CHST9: variants seen among roughly 807,000 people sequenced by gnomAD.
CHST9 encodes carbohydrate sulfotransferase 9, also known as GalNAc-4-sulfotransferase 2.
CHST9 carries 41 observed loss-of-function variants against 44.4 expected under a neutral mutation model. The observed-to-expected ratio is 0.92, with a 90% CI of 0.72 to 1.20. The LOEUF (loss-of-function observed/expected upper bound fraction) is 1.20. Ranked by LOEUF, CHST9 falls within the 50% of genes most tolerant of loss-of-function variation. The probability of loss-of-function intolerance (pLI) is 0.00; values close to 1 mark genes in which losing one functional copy is unlikely to be tolerated. For synonymous variants in CHST9, 171 were observed against 178.4 expected, an observed-to-expected ratio of 0.96 and a Z score of 0.33; for missense variants, 504 against 516.5, an observed-to-expected ratio of 0.98 and a Z score of 0.23.
At chr18:27,147,104 G>A (rs1404672922) in intron 1 of CHST9, among the ~76,000 whole-genome samples, 2 of 151,742 alleles carry the variant, frequency 1.3e-5, no homozygotes, top group Non-Finnish European at 2.9e-5. Context: ...CACTCTTGTT[G>A]CCCAGGCTGG....
chr18:27,137,901 G>A (rs1016173216), intron 2 of CHST9, among the ~76,000 whole-genome samples: 4 of 152,098 alleles, frequency 2.6e-5, no homozygotes, highest in Admixed American at 2.6e-4. Flanking sequence ...TAAACAACAA[G>A]CCATTCTTGT....
At chr18:27,123,012 T>C (rs1012459259) in intron 2 of CHST9, among the ~76,000 whole-genome samples, 1 of 152,202 alleles carries the variant, frequency 6.6e-6, no homozygotes, top group African/African-American at 2.4e-5. Context: ...AGCTACTAAA[T>C]GGGTGTTCTT....
At chr18:26,957,425 G>C (rs77147161) in intron 4 of CHST9, among the ~76,000 whole-genome samples, 2 of 152,102 alleles carry the variant, frequency 1.3e-5, no homozygotes, top group South Asian at 4.2e-4. Flanking sequence ...ATCTCAGTAC[G>C]TTTGTCCCAA....
intron 2 of CHST9, among the ~76,000 whole-genome samples, chr18:27,060,829 G>C (rs1182776577): frequency 6.6e-6 from 1 of 152,170 alleles, no homozygotes; most frequent in Non-Finnish European, 1.5e-5. Flanking sequence ...GTCTCACTAT[G>C]TTGAGCAGGC....
At chr18:27,168,075 C>CT (rs778629303) in intron 1 of CHST9, among the ~76,000 whole-genome samples, 7 of 79,968 alleles carry the variant, frequency 8.8e-5, no homozygotes, top group East Asian at 5.7e-4. Flanking sequence ...AAGATTATAC[C>CT]TATTTTTTTT....
intron 4 of CHST9, among the ~76,000 whole-genome samples, chr18:26,960,406 T>C (rs1254957878): frequency 1.3e-5 from 2 of 152,214 alleles, no homozygotes; most frequent in African/African-American, 4.8e-5. Context: ...CAAGGATTTA[T>C]TCTCAGGAAC....
At chr18:27,109,670 T>C (rs1355163764) in intron 2 of CHST9, among the ~76,000 whole-genome samples, 2 of 152,238 alleles carry the variant, frequency 1.3e-5, no homozygotes, top group Non-Finnish European at 2.9e-5. Context: ...TGACGCCAGC[T>C]GCTTGACTCC....
intron 4 of CHST9, among the ~76,000 whole-genome samples, chr18:26,994,609 G>A (rs1339799593): frequency 6.6e-6 from 1 of 151,986 alleles, no homozygotes; most frequent in African/African-American, 2.4e-5. Flanking sequence ...GCTGGGGGGT[G>A]GACAGGGTTT....
chr18:26,984,822 T>A (rs1011181061), intron 4 of CHST9, among the ~76,000 whole-genome samples: 3 of 151,592 alleles, frequency 2.0e-5, no homozygotes, highest in African/African-American at 7.3e-5. Flanking sequence ...CTCATCAGTA[T>A]AGCTAAGATG....
intron 4 of CHST9, among the ~76,000 whole-genome samples, chr18:26,999,836 A>G (rs2056928343): frequency 6.6e-6 from 1 of 152,218 alleles, no homozygotes; most frequent in Non-Finnish European, 1.5e-5. Context: ...AAGTCTATGG[A>G]TAAAATAAAA....
intron 4 of CHST9, among the ~76,000 whole-genome samples, chr18:27,010,972 C>CT (rs2057076811): frequency 6.6e-6 from 1 of 152,146 alleles, no homozygotes; most frequent in Non-Finnish European, 1.5e-5. Context: ...AGTGACAGGT[C>CT]TGCTGAGGCC....
At chr18:27,158,140 C>T (rs1232519604) in intron 1 of CHST9, among the ~76,000 whole-genome samples, 15 of 152,026 alleles carry the variant, frequency 9.9e-5, no homozygotes, top group Non-Finnish European at 1.2e-4. Context: ...TTTTAGGGTA[C>T]ATATGCACAA....
rs77443886 is a variant in CHST9 at position 27,008,111 on chromosome 18, G to C, written c.202+16005C>G. 3.3e-5 allele frequency among the ~76,000 whole-genome samples: 5 copies of C among 152,144 alleles called. No homozygotes were observed. The East Asian group carries it at 9.6e-4, about 29-fold the overall frequency. Reference sequence around the variant, plus strand: ...AGGGACGACTCACCACTGATAGGAGGTGGGTCCACTCCTCCCTTGTAACAG... The same window carrying C: ...AGGGACGACTCACCACTGATAGGAGCTGGGTCCACTCCTCCCTTGTAACAG... On this transcript the variant is annotated intron_variant, in intron 4 of 5. Coordinates refer to ENST00000618847, the MANE Select transcript of CHST9 (RefSeq NM_031422.6).
chr18:27,056,232 C>A (rs1433335149), intron 2 of CHST9, among the ~76,000 whole-genome samples: 2 of 152,082 alleles, frequency 1.3e-5, no homozygotes, highest in African/African-American at 4.8e-5. Flanking sequence ...ATGAGTTGGG[C>A]ATTCTATTGA....
chr18:26,914,646 C>G lies in CHST9; in HGVS notation c.*1613G>C. ...TCAGCCCATTGCAGTTTACTTACTCCTTAGGAGACACAGATGGGACACGGC... is the reference window on the plus strand; with the variant it reads ...TCAGCCCATTGCAGTTTACTTACTCGTTAGGAGACACAGATGGGACACGGC... On this transcript the variant is annotated 3_prime_UTR_variant, in exon 6 of 6. Transcript: ENST00000618847. 1 of 322,894 alleles carries G rather than the reference C, an allele frequency of 3.1e-6. No homozygotes were observed. The highest frequency in any genetic ancestry group is 5.6e-6 in the Non-Finnish European group (1 of 178,912). The allele number at this position is 322,894 out of a possible 1,614,324, so 20.0% of individuals were successfully genotyped here.
chr18:27,151,039 G>C (rs1168098295), intron 1 of CHST9, among the ~76,000 whole-genome samples: 1 of 152,078 alleles, frequency 6.6e-6, no homozygotes, highest in Non-Finnish European at 1.5e-5. Context: ...TATTTAAAGG[G>C]AAAGAAACTG....
chr18:27,093,740 A>G (rs374896916), intron 2 of CHST9, among the ~76,000 whole-genome samples: 9 of 152,126 alleles, frequency 5.9e-5, no homozygotes, highest in African/African-American at 2.2e-4. Flanking sequence ...CTCGCCCTCC[A>G]TGGGCTGCAC....
At chr18:26,991,308 A>G (rs2056813596) in intron 4 of CHST9, among the ~76,000 whole-genome samples, 1 of 152,230 alleles carries the variant, frequency 6.6e-6, no homozygotes, top group Non-Finnish European at 1.5e-5. Flanking sequence ...TGAGAGAAAG[A>G]AAAGAATCAA....
At chr18:27,106,539 TG>T (rs1210871697) in intron 2 of CHST9, among the ~76,000 whole-genome samples, 1 of 152,212 alleles carries the variant, frequency 6.6e-6, no homozygotes, top group African/African-American at 2.4e-5. Context: ...TTATAACTTG[TG>T]TACTAAAGCT....
Sources: allele counts gnomAD v4.1 joint callset (sites outside exome capture counted in the v4.1 genomes callset), GRCh38; gene constraint gnomAD v4.1.1; transcripts MANE v1.5; gene names NCBI Gene and HGNC (gene_info 2026-07-23, HGNC 2026-07-21).